The following SGCD variants were observed in gnomAD, a reference collection of about 807,000 sequenced individuals.
SGCD encodes the protein delta-sarcoglycan.
SGCD carries 18 observed loss-of-function variants against 36.6 expected under a neutral mutation model. The ratio of observed to expected loss-of-function variants is 0.49; its 90% CI spans 0.34 to 0.73. The LOEUF is 0.73. Among genes scored for constraint, SGCD ranks in the 30% least tolerant of loss-of-function variants. The probability of loss-of-function intolerance (pLI) is 0.01; values close to 1 mark genes in which losing one functional copy is unlikely to be tolerated. For missense variants in SGCD, 387 were observed against 346.7 expected (o/e 1.12, Z -0.92); for synonymous variants, 133 against 130.6 (o/e 1.02, Z -0.12).
chr5:156,382,762 G>C (rs577847432), intron 3 of SGCD, among the ~76,000 whole-genome samples: 1 of 152,232 alleles, frequency 6.6e-6, no homozygotes, highest in Non-Finnish European at 1.5e-5. Context: ...TCTCATTTGA[G>C]ATGTCTAGAA....
At chr5:156,540,343 G>C (rs1395517833) in intron 4 of SGCD, among the ~76,000 whole-genome samples, 1 of 152,050 alleles carries the variant, frequency 6.6e-6, no homozygotes, top group Admixed American at 6.6e-5. Flanking sequence ...TTAATAGCTA[G>C]TCATTTAGAG....
intron 1 of SGCD, among the ~76,000 whole-genome samples, chr5:155,997,492 A>T (rs1295562112): frequency 6.6e-6 from 1 of 152,218 alleles, no homozygotes; most frequent in Non-Finnish European, 1.5e-5. Context: ...TGATCCTGAA[A>T]GTGAGTTTGT....
At chr5:156,170,624 G>A (rs1367511079) in intron 3 of SGCD, among the ~76,000 whole-genome samples, 1 of 152,168 alleles carries the variant, frequency 6.6e-6, no homozygotes, top group Non-Finnish European at 1.5e-5. Flanking sequence ...CAATCAAAGG[G>A]TGCCGGGAAG....
chr5:156,374,069 G>A (rs976158219), intron 3 of SGCD, among the ~76,000 whole-genome samples: 1 of 151,416 alleles, frequency 6.6e-6, no homozygotes, highest in African/African-American at 2.4e-5. Context: ...CAGTAACTCG[G>A]ATAAAAATGG....
chr5:156,552,404 A>T (rs552158640), intron 4 of SGCD, among the ~76,000 whole-genome samples: 7 of 152,190 alleles, frequency 4.6e-5, no homozygotes, highest in Non-Finnish European at 8.8e-5. Flanking sequence ...AACAGTGGGG[A>T]TGTGGAGATA....
At chr5:156,337,890 T>C (rs1235006503) in intron 2 of SGCD, among the ~76,000 whole-genome samples, 2 of 152,172 alleles carry the variant, frequency 1.3e-5, no homozygotes, top group Admixed American at 6.5e-5. Flanking sequence ...GTCAACTCTG[T>C]ACTTTGCCAT....
chr5:155,944,046 A>G (rs571879202), intron 1 of SGCD, among the ~76,000 whole-genome samples: 7 of 152,232 alleles, frequency 4.6e-5, no homozygotes, highest in Admixed American at 2.6e-4. Context: ...ACAGCCCTGC[A>G]AGTATTTGAA....
At chr5:156,373,694 C>T (rs542350280) in intron 3 of SGCD, among the ~76,000 whole-genome samples, 30 of 152,196 alleles carry the variant, frequency 2.0e-4, no homozygotes, top group Non-Finnish European at 2.8e-4. Flanking sequence ...AGAAAATGAA[C>T]GGATAGCAAT....
chr5:156,044,742 T>C (rs1255586084), intron 1 of SGCD, among the ~76,000 whole-genome samples: 2 of 152,164 alleles, frequency 1.3e-5, no homozygotes, highest in Non-Finnish European at 2.9e-5. Context: ...GCAGTACATA[T>C]GCATTGTAGA....
chr5:156,554,433 T>G (rs1191487069), intron 4 of SGCD, among the ~76,000 whole-genome samples: 2 of 151,588 alleles, frequency 1.3e-5, no homozygotes, highest in African/African-American at 4.8e-5. Flanking sequence ...TATAATCTAT[T>G]TTGTCATTAT....
intron 7 of SGCD, among the ~76,000 whole-genome samples, chr5:156,744,272 G>A (rs1403510902): frequency 6.6e-6 from 1 of 152,230 alleles, no homozygotes; most frequent in Non-Finnish European, 1.5e-5. Context: ...CATGAGGTTT[G>A]GAAGGTGAGA....
At chr5:156,759,185 C>T in intron 8 of SGCD, 32 bp from the exon 9 acceptor site, 1 of 1,583,966 alleles carries the variant, frequency 6.3e-7, no homozygotes, top group Non-Finnish European at 8.7e-7. Context: ...CAGCCTCTGA[C>T]CAATGCTTTC....
chr5:156,430,200 T>A lies in SGCD; in HGVS notation c.193-78401T>A, dbSNP rs202120850. 1.2e-4 allele frequency among the ~76,000 whole-genome samples: 18 copies of A among 152,260 alleles called. No individual in the cohort carries two copies. In the East Asian group the frequency reaches 3.3e-3, roughly 28 times the overall value. Reference sequence around the variant, plus strand: ...ATAATTCCATATTTCATGGATACTTTGTTCAGTTTTTAAAACTCTTTTTTC... The same window carrying A: ...ATAATTCCATATTTCATGGATACTTAGTTCAGTTTTTAAAACTCTTTTTTC... On this transcript the variant is annotated intron_variant, in intron 3 of 8. Transcript: ENST00000337851.
chr5:156,159,243 AT>A (rs1763032633), intron 3 of SGCD, among the ~76,000 whole-genome samples: 2 of 151,876 alleles, frequency 1.3e-5, no homozygotes, highest in South Asian at 2.1e-4. Context: ...ATTCATCAGA[AT>A]ATAGTCATAA....
At chr5:155,812,627 T>C in the SGCD span, among the ~76,000 whole-genome samples, 1 of 152,192 alleles carries the variant, frequency 6.6e-6, no homozygotes, top group African/African-American at 2.4e-5. Flanking sequence ...TTTGAAATAT[T>C]GCAAGTTCAC....
At chr5:155,907,293 T>C (rs1756538407) in intron 1 of SGCD, among the ~76,000 whole-genome samples, 2 of 152,234 alleles carry the variant, frequency 1.3e-5, no homozygotes, top group South Asian at 4.1e-4. Context: ...GATGGGGATG[T>C]ACAAGGAGAT....
At chr5:156,275,539 T>G in intron 3 of SGCD, among the ~76,000 whole-genome samples, 1 of 152,178 alleles carries the variant, frequency 6.6e-6, no homozygotes, top group East Asian at 1.9e-4. Context: ...ACCTCTTGCA[T>G]GTTACGATGC....
At chr5:155,757,837 G>A in the SGCD span, among the ~76,000 whole-genome samples, 1 of 152,150 alleles carries the variant, frequency 6.6e-6, no homozygotes, top group Non-Finnish European at 1.5e-5. Flanking sequence ...CCCCATGGAA[G>A]GTAATTGAAT....
chr5:156,584,968 G>A (rs762360888), intron 4 of SGCD, among the ~76,000 whole-genome samples: 9 of 152,196 alleles, frequency 5.9e-5, no homozygotes, highest in Non-Finnish European at 1.3e-4. Context: ...CCAGGAATAT[G>A]TGGGGCACTA....
Sources: gnomAD v4.1 joint callset for allele counts (sites outside exome capture counted in the v4.1 genomes callset) on GRCh38, gnomAD v4.1.1 for gene constraint, MANE v1.5 for transcripts, NCBI Gene and HGNC (gene_info 2026-07-23, HGNC 2026-07-21) for gene names.